Variants in DHX35 observed in about 807,000 individuals in gnomAD.
DHX35 encodes probable ATP-dependent RNA helicase DHX35.
Under a neutral mutation model 99.6 loss-of-function variants are expected in DHX35, and 84 were observed. The observed-to-expected ratio is 0.84, with a 90% CI of 0.71 to 1.01. The LOEUF (loss-of-function observed/expected upper bound fraction) is 1.01. DHX35 is among the 50% of genes least tolerant of loss of function. The pLI is 0.00. For synonymous variants in DHX35, 331 were observed against 316.2 expected (o/e 1.05, Z -0.50); for missense variants, 852 against 888.5 (o/e 0.96, Z 0.52).
chr20:38,967,574 C>T (rs898493302), intron 1 of DHX35, among the ~76,000 whole-genome samples: 6 of 152,228 alleles, frequency 3.9e-5, no homozygotes, highest in African/African-American at 1.4e-4. Flanking sequence ...ATGGAAGCTG[C>T]TCACAAAATT....
At chr20:38,992,699 C>G (rs1384596017) in intron 7 of DHX35, among the ~76,000 whole-genome samples, 1 of 151,854 alleles carries the variant, frequency 6.6e-6, no homozygotes, top group Non-Finnish European at 1.5e-5. Context: ...TAATTTGTAT[C>G]TTGCATATTT....
chr20:38,977,601 G>A, intron 3 of DHX35: 1 of 305,376 alleles, frequency 3.3e-6, no homozygotes, highest in African/African-American at 2.3e-5. Context: ...AAATGAAACA[G>A]GCATTTTGGA....
intron 2 of DHX35, 131 bp downstream of exon 2, chr20:38,969,345 G>A: frequency 8.7e-7 from 1 of 1,144,196 alleles, no homozygotes; most frequent in Non-Finnish European, 1.2e-6. Flanking sequence ...TACTGTAAGG[G>A]ATGACTTTTC....
Position 38,994,817 on chromosome 20 carries a change from T to A in DHX35, c.583-4T>A. 6.2e-7 allele frequency: 1 copy of A among 1,613,094 alleles called. No homozygotes were observed. On this transcript the variant is annotated splice_region_variant and splice_polypyrimidine_tract_variant and intron_variant, in intron 7 of 21. Coordinates refer to ENST00000252011, the MANE Select transcript of DHX35 (RefSeq NM_021931.4). ...TCATTATTTCCAAATGTCTTCTTTTTTAGATTCAGAAAAAGCGAGGGGATC... is the reference window on the plus strand; with the variant it reads ...TCATTATTTCCAAATGTCTTCTTTTATAGATTCAGAAAAAGCGAGGGGATC...
At chr20:39,007,585 A>C (rs1439567875) in intron 12 of DHX35, among the ~76,000 whole-genome samples, 8 of 152,208 alleles carry the variant, frequency 5.3e-5, no homozygotes, top group Non-Finnish European at 1.2e-4. Flanking sequence ...AGTACTTCAC[A>C]ACCAGGGTGT....
intron 8 of DHX35, 73 bp downstream of exon 8, chr20:38,994,953 T>A: frequency 7.6e-7 from 1 of 1,324,454 alleles, no homozygotes; most frequent in Non-Finnish European, 1.1e-6. Context: ...GGAAGTTACC[T>A]CTAGCAAGAG....
At chr20:39,001,867 T>C in intron 9 of DHX35, 25 bp downstream of exon 9, 1 of 1,552,182 alleles carries the variant, frequency 6.4e-7, no homozygotes, top group African/African-American at 1.4e-5. Context: ...GAATTCTGGA[T>C]GATGGTGTTT....
chr20:38,999,376 C>T (rs2086481565), intron 8 of DHX35, among the ~76,000 whole-genome samples: 1 of 152,132 alleles, frequency 6.6e-6, no homozygotes, highest in African/African-American at 2.4e-5. Context: ...CTGCACACCC[C>T]TGTGGTCCCT....
chr20:38,988,838 G>T lies in DHX35; in HGVS notation c.371G>T (p.Arg124Met). Residue 124 changes from arginine to methionine, a missense_variant, in exon 5 of 22, where the codon AGG becomes ATG. Arg to Met is a moderately conservative substitution (Grantham distance 91, BLOSUM62 -1). Coordinates refer to ENST00000252011, the MANE Select transcript of DHX35 (RefSeq NM_021931.4). The part of the protein sequence containing the change: ...VTVAGRVAEE[R>M]GAVLGHEVGY... ...GTTGCAGGGAGAGTAGCTGAAGAAAGGGGTGCAGTGCTGGGCCACGAGGTG... is the reference window on the plus strand; with the variant it reads ...GTTGCAGGGAGAGTAGCTGAAGAAATGGGTGCAGTGCTGGGCCACGAGGTG... 1 of 1,613,772 alleles carries T rather than the reference G, an allele frequency of 6.2e-7. No homozygotes were observed. Among genetic ancestry groups the T allele is most frequent in the Non-Finnish European group, 8.5e-7 (1 of 1,179,818 alleles).
At chr20:38,978,375 G>C (rs1326973912) in intron 3 of DHX35, 5 of 713,772 alleles carry the variant, frequency 7.0e-6, no homozygotes, top group Non-Finnish European at 1.3e-5. Context: ...CAAAAAGATA[G>C]TTCTGGGGCC....
chr20:38,981,079 G>T (rs2086164626), intron 3 of DHX35, among the ~76,000 whole-genome samples: 1 of 152,134 alleles, frequency 6.6e-6, no homozygotes, highest in African/African-American at 2.4e-5. Context: ...TCATTTCAAG[G>T]GTTCATAATG....
At chr20:39,011,667 G>T (rs1176915946) in intron 13 of DHX35, among the ~76,000 whole-genome samples, 1 of 152,130 alleles carries the variant, frequency 6.6e-6, no homozygotes, top group Non-Finnish European at 1.5e-5. Context: ...CCCTTATGAA[G>T]TACTTCTTAT....
chr20:39,006,372 C>T lies in DHX35; in HGVS notation c.1222+16C>T, dbSNP rs1466346543. On this transcript the variant is annotated intron_variant, in intron 12 of 21. Coordinates refer to ENST00000252011, the MANE Select transcript of DHX35 (RefSeq NM_021931.4). ...CTTTATACAGGTTAGTGTGGCTTTC[C>T]CTAAGGGTTTTTGACTTTCTTATAG... is the stretch of plus-strand genomic sequence containing the variant. 3 of 1,609,648 alleles carry T rather than the reference C, an allele frequency of 1.9e-6. No individual in the cohort carries two copies. The highest frequency in any genetic ancestry group is 3.3e-5 in the Admixed American group (2 of 59,948).
At chr20:38,984,508 G>C (rs2086221661) in intron 4 of DHX35, among the ~76,000 whole-genome samples, 1 of 152,044 alleles carries the variant, frequency 6.6e-6, no homozygotes, top group African/African-American at 2.4e-5. Flanking sequence ...AGTGAAATAG[G>C]AGTAGCGACT....
At chr20:39,031,897 T>C (rs1336308426) in intron 20 of DHX35, among the ~76,000 whole-genome samples, 5 of 152,006 alleles carry the variant, frequency 3.3e-5, no homozygotes, top group Non-Finnish European at 7.4e-5. Context: ...GTTTGGGAAG[T>C]GGGGAATCAT....
intron 10 of DHX35, 147 bp downstream of exon 10, chr20:39,003,015 A>G: frequency 1.4e-6 from 1 of 706,272 alleles, no homozygotes; most frequent in Non-Finnish European, 2.4e-6. Flanking sequence ...ATTTGATGTC[A>G]TTCATCTACC....
At chr20:39,003,094 T>C (rs2086548843) in intron 10 of DHX35, among the ~76,000 whole-genome samples, 1 of 152,222 alleles carries the variant, frequency 6.6e-6, no homozygotes, top group African/African-American at 2.4e-5. Flanking sequence ...TTTTTTTAAA[T>C]GTATTAGCTG....
At chr20:39,021,753 T>C (rs924129114) in intron 15 of DHX35, 88 bp from the exon 16 acceptor site, 17 of 1,263,642 alleles carry the variant, frequency 1.3e-5, no homozygotes, top group African/African-American at 8.8e-5. Flanking sequence ...TAGTCTTCAG[T>C]GTGGTGCAAG....
At chr20:38,977,595 G>A (rs182708783) in intron 3 of DHX35, 611 of 301,398 alleles carry the variant, frequency 2.0e-3, no homozygotes, top group Middle Eastern at 4.3e-3. Context: ...CTTTAAAAAT[G>A]AAACAGGCAT....
Sources: gnomAD v4.1 joint callset for allele counts (sites outside exome capture counted in the v4.1 genomes callset) on GRCh38, gnomAD v4.1.1 for gene constraint, MANE v1.5 for transcripts, NCBI Gene and HGNC (gene_info 2026-07-23, HGNC 2026-07-21) for gene names.